The following ANK2 variants were observed in gnomAD, a reference collection of about 807,000 sequenced individuals.
ANK2 encodes ankyrin-2.
ANK2 carries 83 observed loss-of-function variants against 360.5 expected under a neutral mutation model. The observed-to-expected ratio is 0.23, with a 90% CI of 0.19 to 0.28. The LOEUF is 0.28. Among genes scored for constraint, ANK2 ranks in the 10% least tolerant of loss-of-function variants. The pLI is 1.00. For missense variants in ANK2, 4,201 were observed against 4,795.7 expected (o/e 0.88, Z 3.66); for synonymous variants, 1,740 against 1,759.5 (o/e 0.99, Z 0.28).
Position 113,336,835 on chromosome 4 carries a change from C to T in ANK2, c.3796+54C>T, listed in dbSNP as rs906247302. On this transcript the variant is annotated intron_variant, in intron 31 of 45. Transcript: ENST00000357077. Reference sequence around the variant, plus strand: ...GAGTTCTGAAAAAAGAAACTTAGATCGTTGTAAATATTAAATTACCTTTGT... The same window carrying T: ...GAGTTCTGAAAAAAGAAACTTAGATTGTTGTAAATATTAAATTACCTTTGT... The T allele has an allele frequency of 5.2e-6, 8 of 1,525,134 alleles. No individual in the cohort carries two copies. In the African/African-American group the frequency reaches 5.5e-5, roughly 10 times the overall value. The allele number at this position is 1,525,134 out of a possible 1,614,324, so 94.5% of individuals were successfully genotyped here. A position where few individuals can be genotyped will look rare whatever the true frequency, so the allele number is the denominator to read the frequency against.
Position 113,381,466 on chromosome 4 carries a change from G to A in ANK2, c.11869G>A (p.Glu3957Lys), listed in dbSNP as rs756817921. 6.2e-7 allele frequency: 1 copy of A among 1,614,176 alleles called. No individual in the cohort carries two copies. The highest frequency in any genetic ancestry group is 2.2e-5 in the East Asian group (1 of 44,870). Residue 3957 changes from glutamate (E) to lysine (K), a missense_variant, in exon 46 of 46, where the codon GAG becomes AAG. Around this residue, in one of 4 missense-constraint regions of ANK2, gnomAD observed 2,642 missense variants for 2,714.5 expected, o/e 0.97. Transcript: ENST00000357077. ...GTCTGCTTTTCTCCAGGACAACAAT[G>A]AGTAAAGCCATCACACAGAAGAGGG... ...SDTEQSEDNN[E>K]
intron 22 of ANK2, among the ~76,000 whole-genome samples, chr4:113,301,926 G>A (rs918803012): frequency 6.6e-6 from 1 of 152,146 alleles, no homozygotes; most frequent in Non-Finnish European, 1.5e-5. Flanking sequence ...AATTATGGTA[G>A]CTAATATTTA....
At chr4:113,374,798 C>G (rs1238566658) in intron 45 of ANK2, 1 of 1,214,896 alleles carries the variant, frequency 8.2e-7, no homozygotes. Flanking sequence ...TTGTCCAGTA[C>G]CTCACAATTT....
chr4:113,358,637 A>G lies in ANK2; in HGVS notation c.10019A>G (p.Asp3340Gly), dbSNP rs772518443. 6.8e-6 allele frequency: 11 copies of G among 1,609,896 alleles called. No homozygotes were observed. In the East Asian group the frequency reaches 2.2e-4, roughly 33 times the overall value. The change falls in exon 38 of 46, where the codon GAT becomes GGT. Residue 3340 changes from aspartate to glycine, a missense_variant. Physicochemically the swap from Asp to Gly is moderately conservative, Grantham distance 94. Around this residue, in one of 4 missense-constraint regions of ANK2, gnomAD observed 2,642 missense variants for 2,714.5 expected, o/e 0.97. Coordinates refer to ENST00000357077, the MANE Select transcript of ANK2 (RefSeq NM_001148.6). ...AGTGTAGATGAGGAAAATAAGGCGG[A>G]TGAAGCAAAACCAAAGTCCAAACTC... ...LSSVDEENKA[D>G]EAKPKSKLPV...
intron 18 of ANK2, among the ~76,000 whole-genome samples, chr4:113,283,288 C>A (rs1351316062): frequency 6.6e-6 from 1 of 152,128 alleles, no homozygotes; most frequent in Non-Finnish European, 1.5e-5. Flanking sequence ...TTAGCTTAAA[C>A]AACTGCCTCT....
At chr4:113,210,538 C>T (rs1314707713) in intron 4 of ANK2, among the ~76,000 whole-genome samples, 1 of 152,150 alleles carries the variant, frequency 6.6e-6, no homozygotes, top group African/African-American at 2.4e-5. Flanking sequence ...AAGCAAGAAT[C>T]CAGAGTCAGA....
chr4:112,959,307 C>A (rs1293183849), intron 2 of ANK2, among the ~76,000 whole-genome samples: 1 of 152,016 alleles, frequency 6.6e-6, no homozygotes, highest in Non-Finnish European at 1.5e-5. Flanking sequence ...GAACCTTAAC[C>A]CTTAATGAAG....
chr4:112,736,530 A>G, the ANK2 span, among the ~76,000 whole-genome samples: 2 of 152,158 alleles, frequency 1.3e-5, no homozygotes, highest in Non-Finnish European at 2.9e-5. Flanking sequence ...CTCCAATATT[A>G]CAGATGAGGA....
intron 45 of ANK2, among the ~76,000 whole-genome samples, chr4:113,376,490 A>G (rs1319239330): frequency 6.6e-6 from 1 of 152,246 alleles, no homozygotes; most frequent in African/African-American, 2.4e-5. Context: ...GTGAAAGCCT[A>G]GGACGTTATT....
rs749472264 is a variant in ANK2 at position 113,196,348 on chromosome 4, T to C, written c.187-20T>C. On this transcript the variant is annotated intron_variant, in intron 2 of 45. Transcript: ENST00000357077. ...CCTCATTACTTCACTTCTTAAAGCC[T>C]TGTTTGTTTCTTCTCTCAGAATGGA... 6.2e-7 allele frequency: 1 copy of C among 1,602,652 alleles called. No individual in the cohort carries two copies. The highest frequency in any genetic ancestry group is 1.1e-5 in the South Asian group (1 of 89,930).
At chr4:112,723,014 G>A in the ANK2 span, among the ~76,000 whole-genome samples, 1 of 152,092 alleles carries the variant, frequency 6.6e-6, no homozygotes, top group African/African-American at 2.4e-5. Flanking sequence ...TAGAAATGAA[G>A]GAAAGAATGC....
intron 2 of ANK2, among the ~76,000 whole-genome samples, chr4:113,188,540 T>C (rs1007137093): frequency 6.6e-6 from 1 of 152,162 alleles, no homozygotes; most frequent in Non-Finnish European, 1.5e-5. Context: ...AATGTTCCCT[T>C]TAAGTGATTC....
intron 2 of ANK2, among the ~76,000 whole-genome samples, chr4:113,034,306 T>G (rs1261515022): frequency 6.6e-6 from 1 of 151,970 alleles, no homozygotes; most frequent in Admixed American, 6.6e-5. Flanking sequence ...CCTGATGTAG[T>G]TTTTCAATTA....
chr4:113,383,359 G>A lies in ANK2; in HGVS notation c.*1888G>A, dbSNP rs1485246032. Reference sequence around the variant, plus strand: ...ATAGGAAATGAGACATTCTTTGGCAGCCAAAATAAGAGAGGCCGATGGTGA... The same window carrying A: ...ATAGGAAATGAGACATTCTTTGGCAACCAAAATAAGAGAGGCCGATGGTGA... On this transcript the variant is annotated 3_prime_UTR_variant, in exon 46 of 46. Coordinates refer to ENST00000357077, the MANE Select transcript of ANK2 (RefSeq NM_001148.6). 6.6e-6 allele frequency: 1 copy of A among 152,608 alleles called. No individual in the cohort carries two copies. The highest frequency in any genetic ancestry group is 1.9e-4 in the East Asian group (1 of 5,198). 9.5% of individuals were successfully genotyped at this position (152,608 alleles called of 1,614,324 possible). A position where few individuals can be genotyped will look rare whatever the true frequency, so the allele number is the denominator to read the frequency against.
At chr4:112,739,803 A>C in the ANK2 span, among the ~76,000 whole-genome samples, 1 of 152,128 alleles carries the variant, frequency 6.6e-6, no homozygotes, top group African/African-American at 2.4e-5. Flanking sequence ...ATAAATATTT[A>C]AAGACCAAGA....
At chr4:113,004,686 C>T (rs2052116981) in intron 2 of ANK2, among the ~76,000 whole-genome samples, 1 of 152,156 alleles carries the variant, frequency 6.6e-6, no homozygotes, top group South Asian at 2.1e-4. Flanking sequence ...AAACCAGTTA[C>T]ATAGTAGTTT....
chr4:112,732,364 TC>T, the ANK2 span, among the ~76,000 whole-genome samples: 1 of 66,266 alleles, frequency 1.5e-5, no homozygotes, highest in Non-Finnish European at 2.7e-5. Flanking sequence ...GCCCAACCAA[TC>T]CTGTTCCCGA....
intron 4 of ANK2, among the ~76,000 whole-genome samples, chr4:113,217,923 T>C (rs541845814): frequency 6.7e-6 from 1 of 149,648 alleles, no homozygotes; most frequent in African/African-American, 2.4e-5. Flanking sequence ...AGCTGCTAAA[T>C]ATTGAGTATA....
chr4:112,928,938 T>C (rs2092887750), intron 2 of ANK2, among the ~76,000 whole-genome samples: 1 of 151,654 alleles, frequency 6.6e-6, no homozygotes, highest in Non-Finnish European at 1.5e-5. Flanking sequence ...CTGCAACCTC[T>C]GCCTCCTGGG....
Sources: allele counts gnomAD v4.1 joint callset (sites outside exome capture counted in the v4.1 genomes callset), GRCh38; gene constraint gnomAD v4.1.1; regional missense constraint gnomAD v4.1.1; transcripts MANE v1.5; gene names NCBI Gene and HGNC (gene_info 2026-07-23, HGNC 2026-07-21).